Variants in SPMIP6 observed in about 807,000 individuals in gnomAD.
SPMIP6 encodes sperm microtubule inner protein 6.
At chr9:34,385,530 C>A in the SPMIP6 span, 4 of 902,092 alleles carry the variant, frequency 4.4e-6, no homozygotes, top group Non-Finnish European at 6.3e-6. Context: ...AGCGAAACTC[C>A]GTCTCAAAAA....
chr9:34,379,328 A>G, the SPMIP6 span: 4 of 644,822 alleles, frequency 6.2e-6, no homozygotes, highest in Admixed American at 2.5e-5. The surrounding 1 kb of genome is among the most constrained non-coding windows in gnomAD (Gnocchi z 4.2). Context: ...CTTAGGTTCT[A>G]CTGTTAAGTT....
At chr9:34,385,571 C>T in the SPMIP6 span, 1 of 815,332 alleles carries the variant, frequency 1.2e-6, no homozygotes, top group East Asian at 3.1e-5. Flanking sequence ...GGATAGAGGT[C>T]ACGATCCAGG....
chr9:34,393,942 C>T, the SPMIP6 span, among the ~76,000 whole-genome samples: 1 of 152,136 alleles, frequency 6.6e-6, no homozygotes, highest in Non-Finnish European at 1.5e-5. Context: ...TTTGCCTACT[C>T]ATTTTTTAAT....
chr9:34,380,890 T>C, the SPMIP6 span: 2 of 1,529,104 alleles, frequency 1.3e-6, no homozygotes, highest in South Asian at 1.2e-5. Flanking sequence ...GGCGGAGCCC[T>C]GCGAACCTTA....
At chr9:34,383,653 A>G in the SPMIP6 span, among the ~76,000 whole-genome samples, 1 of 152,212 alleles carries the variant, frequency 6.6e-6, no homozygotes, top group Non-Finnish European at 1.5e-5. Flanking sequence ...CTCTGCAGAT[A>G]GACTGCTTGT....
At chr9:34,382,655 A>G in the SPMIP6 span, 2 of 796,558 alleles carry the variant, frequency 2.5e-6, no homozygotes, top group South Asian at 1.4e-5. Flanking sequence ...TGGGAAAGCA[A>G]TGAGGACCTA....
chr9:34,385,773 A>G, the SPMIP6 span: 2 of 1,612,862 alleles, frequency 1.2e-6, no homozygotes, highest in Admixed American at 3.3e-5. Flanking sequence ...CCATGGTATG[A>G]GTCAGACCCT....
At chr9:34,385,444 A>T in the SPMIP6 span, among the ~76,000 whole-genome samples, 3 of 149,196 alleles carry the variant, frequency 2.0e-5, no homozygotes, top group Non-Finnish European at 4.4e-5. Context: ...AGGTAGGAAA[A>T]TCACTTGAAC....
At chr9:34,379,610 T>A in the SPMIP6 span, 1 of 1,575,554 alleles carries the variant, frequency 6.3e-7, no homozygotes, top group Non-Finnish European at 8.7e-7. The surrounding 1 kb of genome is among the most constrained non-coding windows in gnomAD (Gnocchi z 4.2). Context: ...GCCTTCAGGG[T>A]GCGTGTGCAA....
the SPMIP6 span, among the ~76,000 whole-genome samples, chr9:34,390,633 A>G: frequency 6.6e-6 from 1 of 152,116 alleles, no homozygotes; most frequent in Non-Finnish European, 1.5e-5. Context: ...TTTTATTTAG[A>G]ATTTTTGCTT....
chr9:34,381,906 T>C, the SPMIP6 span, among the ~76,000 whole-genome samples: 1 of 152,218 alleles, frequency 6.6e-6, no homozygotes, highest in South Asian at 2.1e-4. The surrounding 1 kb of genome is among the most constrained non-coding windows in gnomAD (Gnocchi z 4.4). Flanking sequence ...GCTCTGGTTT[T>C]GGGTCCTCTC....
the SPMIP6 span, chr9:34,397,653 C>T: frequency 1.2e-5 from 19 of 1,569,522 alleles, no homozygotes; most frequent in African/African-American, 1.4e-5. Context: ...TTGGAGATGC[C>T]GTGGTGGGCT....
the SPMIP6 span, among the ~76,000 whole-genome samples, chr9:34,391,617 T>G: frequency 1.3e-5 from 2 of 152,198 alleles, no homozygotes; most frequent in Admixed American, 6.5e-5. Context: ...GATTTCTTAT[T>G]TGACCCATTA....
At chr9:34,379,634 C>T in the SPMIP6 span, 2 of 1,612,016 alleles carry the variant, frequency 1.2e-6, no homozygotes. This position sits in a 1 kb window ranked among gnomAD's most constrained non-coding sequence, Gnocchi z 4.2. Context: ...AGTGTGTGCG[C>T]GTTAGACTTA....
chr9:34,391,121 C>T, the SPMIP6 span, among the ~76,000 whole-genome samples: 2 of 152,080 alleles, frequency 1.3e-5, no homozygotes, highest in Admixed American at 6.6e-5. Flanking sequence ...TTTTTTAAAT[C>T]GTTATAGGAG....
chr9:34,394,628 C>A, the SPMIP6 span, among the ~76,000 whole-genome samples: 1 of 152,090 alleles, frequency 6.6e-6, no homozygotes, highest in African/African-American at 2.4e-5. Flanking sequence ...GAAACCTACA[C>A]TGAGGATGTT....
the SPMIP6 span, among the ~76,000 whole-genome samples, chr9:34,393,495 C>T: frequency 1.3e-5 from 2 of 152,026 alleles, no homozygotes; most frequent in African/African-American, 4.8e-5. Context: ...GATGACACTT[C>T]GAGAATTTTT....
the SPMIP6 span, chr9:34,380,765 G>T: frequency 7.8e-6 from 12 of 1,547,798 alleles, no homozygotes; most frequent in Non-Finnish European, 1.0e-5. Context: ...GCAGGGCCTC[G>T]AGAGCGTGCA....
chr9:34,395,723 C>T, the SPMIP6 span, among the ~76,000 whole-genome samples: 1 of 152,120 alleles, frequency 6.6e-6, no homozygotes. Context: ...CAAATGAACT[C>T]CAAATCTCTA....
Sources: allele counts gnomAD v4.1 joint callset (sites outside exome capture counted in the v4.1 genomes callset), GRCh38; gene constraint gnomAD v4.1.1; non-coding constraint Gnocchi (gnomAD v3.1); transcripts MANE v1.5; gene names NCBI Gene and HGNC (gene_info 2026-07-23, HGNC 2026-07-21).